SLC2A13: variants seen among roughly 807,000 people sequenced by gnomAD.
SLC2A13 encodes the protein solute carrier family 2 member 13.
SLC2A13 carries 32 observed loss-of-function variants against 64.4 expected under a neutral mutation model. The observed-to-expected ratio is 0.50, with a 90% confidence interval of 0.37 to 0.67. SLC2A13 has a LOEUF of 0.67. Among genes scored for constraint, SLC2A13 ranks in the 30% least tolerant of loss-of-function variants. SLC2A13 has a pLI of 0.00. For missense variants in SLC2A13, 743 were observed against 829.2 expected, an observed-to-expected ratio of 0.90 and a Z score of 1.28; for synonymous variants, 338 against 327.1, an observed-to-expected ratio of 1.03 and a Z score of -0.36.
intron 6 of SLC2A13, among the ~76,000 whole-genome samples, chr12:39,834,256 C>T (rs1345714868): frequency 6.6e-6 from 1 of 151,968 alleles, no homozygotes; most frequent in Non-Finnish European, 1.5e-5. Flanking sequence ...ATTATTTTTT[C>T]TCCCTTACAT....
intron 4 of SLC2A13, among the ~76,000 whole-genome samples, chr12:39,932,571 C>T (rs1945845606): frequency 6.6e-6 from 1 of 151,994 alleles, no homozygotes; most frequent in African/African-American, 2.4e-5. Context: ...ACCCATGGAG[C>T]TTAATAAACA....
intron 1 of SLC2A13, among the ~76,000 whole-genome samples, chr12:40,099,768 T>C (rs1355075837): frequency 6.6e-6 from 1 of 152,130 alleles, no homozygotes; most frequent in East Asian, 1.9e-4. Flanking sequence ...GCTGTTAATG[T>C]GTATAAAACA....
intron 7 of SLC2A13, among the ~76,000 whole-genome samples, chr12:39,821,421 A>AT (rs1019130534): frequency 6.6e-6 from 1 of 151,468 alleles, no homozygotes; most frequent in African/African-American, 2.4e-5. Context: ...AAAAAAAAAA[A>AT]TTTTTTTTTG....
intron 3 of SLC2A13, among the ~76,000 whole-genome samples, chr12:39,969,906 T>C (rs2136128011): frequency 6.6e-6 from 1 of 152,312 alleles, no homozygotes; most frequent in South Asian, 2.1e-4. Flanking sequence ...TTGCCTAGGT[T>C]TTCTTCTAGG....
chr12:39,784,676 A>G (rs1941121205), intron 7 of SLC2A13, among the ~76,000 whole-genome samples: 1 of 152,262 alleles, frequency 6.6e-6, no homozygotes, highest in Non-Finnish European at 1.5e-5. Context: ...CAAGGACTTC[A>G]TGACTAAAAC....
intron 7 of SLC2A13, among the ~76,000 whole-genome samples, chr12:39,773,979 TC>T (rs1940677407): frequency 6.6e-6 from 1 of 152,166 alleles, no homozygotes; most frequent in African/African-American, 2.4e-5. Context: ...TATTTCCAGT[TC>T]CTGACGCAGG....
intron 4 of SLC2A13, among the ~76,000 whole-genome samples, chr12:39,890,444 A>G (rs189773120): frequency 6.6e-6 from 1 of 152,238 alleles, no homozygotes; most frequent in Non-Finnish European, 1.5e-5. Context: ...ATAGAATTAA[A>G]TGTTGCTCAT....
intron 6 of SLC2A13, among the ~76,000 whole-genome samples, chr12:39,860,901 A>G (rs1943742283): frequency 6.6e-6 from 1 of 152,164 alleles, no homozygotes; most frequent in African/African-American, 2.4e-5. Context: ...ACAGTTTAGA[A>G]TTCAAAATGT....
intron 7 of SLC2A13, among the ~76,000 whole-genome samples, chr12:39,824,883 G>C (rs1020436320): frequency 7.9e-5 from 12 of 152,186 alleles, no homozygotes; most frequent in Middle Eastern, 6.8e-3. Context: ...GATCAAGGAG[G>C]GTAAATTCTA....
At chr12:40,047,534 C>T (rs1033221024) in intron 2 of SLC2A13, among the ~76,000 whole-genome samples, 3 of 152,088 alleles carry the variant, frequency 2.0e-5, no homozygotes, top group Non-Finnish European at 2.9e-5. Context: ...TTTAAAACCA[C>T]TTTTGTCATT....
chr12:39,874,583 C>G (rs892293296), intron 4 of SLC2A13, among the ~76,000 whole-genome samples: 1 of 147,198 alleles, frequency 6.8e-6, no homozygotes, highest in Non-Finnish European at 1.5e-5. Context: ...CCATTGCACT[C>G]CAGCCTGGGC....
chr12:40,083,029 A>T (rs981825694), intron 1 of SLC2A13, among the ~76,000 whole-genome samples: 5 of 151,722 alleles, frequency 3.3e-5, no homozygotes, highest in African/African-American at 1.2e-4. Flanking sequence ...TCAGTGGGAG[A>T]AGTTCTTCCT....
chr12:40,031,654 C>T (rs1396942933), intron 2 of SLC2A13, among the ~76,000 whole-genome samples: 9 of 152,214 alleles, frequency 5.9e-5, no homozygotes, highest in South Asian at 2.1e-4. Context: ...CTCCTAACCA[C>T]GCAATCAATT....
chr12:39,806,146 C>T (rs1941973277), intron 7 of SLC2A13, among the ~76,000 whole-genome samples: 3 of 152,080 alleles, frequency 2.0e-5, no homozygotes, highest in South Asian at 2.1e-4. Flanking sequence ...TCCGAGAACA[C>T]GATTTCACAA....
intron 3 of SLC2A13, among the ~76,000 whole-genome samples, chr12:40,018,493 A>G (rs2136203385): frequency 6.6e-6 from 1 of 152,314 alleles, no homozygotes; most frequent in African/African-American, 2.4e-5. Context: ...TAATTTGTAG[A>G]CTTTCTATTC....
intron 1 of SLC2A13, among the ~76,000 whole-genome samples, chr12:40,057,978 A>G (rs1948358257): frequency 6.6e-6 from 1 of 151,954 alleles, no homozygotes; most frequent in South Asian, 2.1e-4. Context: ...ACCACTTACA[A>G]TATTATCTTT....
intron 3 of SLC2A13, among the ~76,000 whole-genome samples, chr12:39,989,308 G>A (rs192810168): frequency 5.3e-5 from 8 of 152,218 alleles, no homozygotes; most frequent in South Asian, 2.1e-4. Context: ...ATAAAAAGGT[G>A]CAACCCTCTT....
At chr12:39,775,579 C>T (rs1454615106) in intron 7 of SLC2A13, among the ~76,000 whole-genome samples, 1 of 152,210 alleles carries the variant, frequency 6.6e-6, no homozygotes, top group African/African-American at 2.4e-5. Flanking sequence ...AGTTCTTTCT[C>T]TTATTCCATT....
Position 39,759,926 on chromosome 12 carries a change from T to C in SLC2A13, c.*100A>G. 1.2e-6 allele frequency: 1 copy of C among 821,626 alleles called. No individual in the cohort carries two copies. The highest frequency in any genetic ancestry group is 2.6e-5 in the East Asian group (1 of 38,718). The allele number at this position is 821,626 out of a possible 1,614,324, so 50.9% of individuals were successfully genotyped here. A position where few individuals can be genotyped will look rare whatever the true frequency, so the allele number is the denominator to read the frequency against. ...AATATGAAGTCAATCAAAACTAGGC[T>C]GTGGAAAGAACCAGATTAGAAGCAG... On this transcript the variant is annotated 3_prime_UTR_variant, in exon 10 of 10. Coordinates refer to ENST00000280871, the MANE Select transcript of SLC2A13 (RefSeq NM_052885.4).
Sources: gnomAD v4.1 joint callset for allele counts (sites outside exome capture counted in the v4.1 genomes callset) on GRCh38, gnomAD v4.1.1 for gene constraint, MANE v1.5 for transcripts, NCBI Gene and HGNC (gene_info 2026-07-23, HGNC 2026-07-21) for gene names.